Variants in BCAS3 observed in about 807,000 individuals in gnomAD.
BCAS3 encodes BCAS4/BCAS3 fusion.
BCAS3 carries 53 observed loss-of-function variants against 116.1 expected under a neutral mutation model. That is an observed-to-expected ratio of 0.46 (90% CI 0.37 to 0.57). BCAS3 has a LOEUF of 0.57. Ranked by LOEUF, BCAS3 falls within the 20% of genes least tolerant of loss-of-function variation. The pLI, the probability that BCAS3 is intolerant of heterozygous loss-of-function variation, is 0.00. For missense variants in BCAS3, 917 were observed against 1,165.4 expected, an observed-to-expected ratio of 0.79 and a Z score of 3.10; for synonymous variants, 391 against 408.2, an observed-to-expected ratio of 0.96 and a Z score of 0.51.
chr17:61,339,106 A>G lies in BCAS3; in HGVS notation c.2426-29221A>G, dbSNP rs3843245. On this transcript the variant is annotated intron_variant, in intron 22 of 23. Transcript: ENST00000407086. This position sits in a 1 kb window ranked among gnomAD's most constrained non-coding sequence, Gnocchi z 4.4. ...TTCTTTTGGACTCTATTACTCAATC[A>G]GTGACATGTGACCCCCTGGGAAGGT... Among the ~76,000 whole-genome samples the G allele has an allele frequency of 0.17, 25,630 of 151,868 alleles. 3,495 individuals are homozygous for G. The highest frequency in any genetic ancestry group is 0.37 in the African/African-American group (15,481 of 41,346).
intron 22 of BCAS3, among the ~76,000 whole-genome samples, chr17:61,287,075 C>T (rs959125507): frequency 2.6e-5 from 4 of 151,756 alleles, no homozygotes; most frequent in Admixed American, 2.6e-4. Flanking sequence ...GGTGAAACCC[C>T]GTCTCTACTA....
intron 7 of BCAS3, among the ~76,000 whole-genome samples, chr17:60,829,179 TA>T (rs2050692075): frequency 6.6e-6 from 1 of 151,882 alleles, no homozygotes; most frequent in Admixed American, 6.6e-5. Context: ...GTAAAATATA[TA>T]GTATGATGAT....
intron 23 of BCAS3, among the ~76,000 whole-genome samples, chr17:61,371,260 T>A (rs546375586): frequency 6.6e-6 from 1 of 152,308 alleles, no homozygotes; most frequent in East Asian, 1.9e-4. Flanking sequence ...ATGTAAAAAC[T>A]CCTATTATGG....
intron 23 of BCAS3, among the ~76,000 whole-genome samples, chr17:61,375,218 T>TTGTGTGTGTGTGTGTGTGTG (rs59961930): frequency 1.4e-5 from 2 of 142,772 alleles, no homozygotes; most frequent in East Asian, 2.0e-4. Context: ...AAAGCACTAT[T>TTGTGTGTGTGTGTGTGTGTG]TGTGTGTGTG....
rs556280519 is a variant in BCAS3, at chr17:60,806,973, A to C, written c.404-1031A>C. Among the ~76,000 whole-genome samples, 7 of 152,018 alleles carry C rather than the reference A, an allele frequency of 4.6e-5. No homozygotes were observed. In the South Asian group the frequency reaches 1.5e-3, roughly 32 times the overall value. ...GACTTAGGACTTGATGGGAGCAGCA[A>C]CTCTGGATATTCTTGTATTATTATT... On this transcript the variant is annotated intron_variant, in intron 6 of 23. Transcript: ENST00000407086.
chr17:61,280,873 T>A (rs2051183054), intron 22 of BCAS3, among the ~76,000 whole-genome samples: 1 of 152,212 alleles, frequency 6.6e-6, no homozygotes, highest in African/African-American at 2.4e-5. Context: ...CCTTAACAGG[T>A]TGAAGGCTTT....
Position 61,041,033 on chromosome 17 carries a change from A to G in BCAS3, c.2029+141A>G. ...TCAGTTTGAGGCAAATAAGATATTT[A>G]ATATGAATATAAACTGTAAGCCTTA... On this transcript the variant is annotated intron_variant, in intron 19 of 23. Coordinates refer to ENST00000407086, the MANE Select transcript of BCAS3 (RefSeq NM_017679.5). The surrounding 1 kb of genome is among the most constrained non-coding windows in gnomAD (Gnocchi z 4.7). 1.6e-6 allele frequency: 1 copy of G among 632,214 alleles called. No homozygotes were observed. The highest frequency in any genetic ancestry group is 2.7e-6 in the Non-Finnish European group (1 of 364,700). The allele number at this position is 632,214 out of a possible 1,614,324, so 39.2% of individuals were successfully genotyped here. A position where few individuals can be genotyped will look rare whatever the true frequency, so the allele number is the denominator to read the frequency against.
At chr17:60,705,600 T>C (rs1343504051) in intron 4 of BCAS3, among the ~76,000 whole-genome samples, 2 of 151,778 alleles carry the variant, frequency 1.3e-5, no homozygotes, top group Non-Finnish European at 2.9e-5. Flanking sequence ...TCAAGATATC[T>C]GTTTTGGAGA....
Position 61,380,304 on chromosome 17 carries a change from A to C in BCAS3, c.2594-11673A>C. ...GGACTGGGGAGGAGGGAGAGAGGGA[A>C]GGATGATACCAGTTTAGGCTAGTGA... On this transcript the variant is annotated intron_variant, in intron 23 of 23. Transcript: ENST00000407086. The surrounding 1 kb of genome is among the most constrained non-coding windows in gnomAD (Gnocchi z 4.2). 1.7e-6 allele frequency: 1 copy of C among 589,136 alleles called. No individual in the cohort carries two copies. The highest frequency in any genetic ancestry group is 1.9e-5 in the African/African-American group (1 of 53,734). 36.5% of individuals were successfully genotyped at this position (589,136 alleles called of 1,614,324 possible).
chr17:60,947,471 G>A, intron 14 of BCAS3, 119 bp downstream of exon 14: 3 of 1,136,190 alleles, frequency 2.6e-6, no homozygotes, highest in Non-Finnish European at 3.6e-6. Flanking sequence ...ATTGCTGTCT[G>A]TGATAGAATG....
In BCAS3 at chr17:61,126,388, G is replaced by C. The variant is rs140845084; in HGVS notation, c.2425+41824G>C. ...AAAAAGAGCAGTGTATATGTGTCAT[G>C]TTATCGCACGTGAACCACTGCCTAT... is the stretch of plus-strand genomic sequence containing the variant. On this transcript the variant is annotated intron_variant, in intron 22 of 23. Transcript: ENST00000407086. This position sits in a 1 kb window ranked among gnomAD's most constrained non-coding sequence, Gnocchi z 4.6. Among the ~76,000 whole-genome samples, 86 of 152,268 alleles carry C rather than the reference G, an allele frequency of 5.6e-4. No homozygotes were observed. The highest frequency in any genetic ancestry group is 3.4e-3 in the Middle Eastern group (1 of 294).
chr17:61,078,356 A>T lies in BCAS3; in HGVS notation c.2154A>T (p.Gly718=), dbSNP rs373406885. ...LSQVEIVTHT[G]PHRRLWMGPQ... ...AGGTTGAAATTGTAACACACACTGGACCCCATAGACGTCTGTGGATGGGTC... is the reference window on the plus strand; with the variant it reads ...AGGTTGAAATTGTAACACACACTGGTCCCCATAGACGTCTGTGGATGGGTC... Residue 718 remains glycine, a synonymous_variant, in exon 21 of 24, where the codon GGA becomes GGT. Transcript: ENST00000407086. 132 of 1,613,496 alleles carry T rather than the reference A, an allele frequency of 8.2e-5. No individual in the cohort carries two copies. Among genetic ancestry groups the T allele is most frequent in the Non-Finnish European group, 1.1e-4 (125 of 1,179,842 alleles).
chr17:61,052,645 T>G (rs757104524), intron 19 of BCAS3, among the ~76,000 whole-genome samples: 1 of 152,150 alleles, frequency 6.6e-6, no homozygotes, highest in Non-Finnish European at 1.5e-5. Flanking sequence ...TGTGTTCCTT[T>G]GACAAAATCT....
intron 21 of BCAS3, among the ~76,000 whole-genome samples, chr17:61,081,938 ACACT>A: frequency 6.6e-6 from 1 of 152,298 alleles, no homozygotes; most frequent in Middle Eastern, 3.4e-3. Context: ...GACACCTAGT[ACACT>A]GTCCTGTACC....
chr17:60,819,747 C>T (rs1031278825), intron 7 of BCAS3, among the ~76,000 whole-genome samples: 7 of 151,864 alleles, frequency 4.6e-5, no homozygotes, highest in Non-Finnish European at 8.8e-5. Flanking sequence ...CTCCTACCCT[C>T]CCCCTCTCCT....
In BCAS3 at chr17:60,857,954, G is replaced by T. The variant is rs79538531; in HGVS notation, c.477-10622G>T. 1.5e-3 allele frequency among the ~76,000 whole-genome samples: 226 copies of T among 151,886 alleles called. 1 individual carries two copies. Among genetic ancestry groups the T allele is most frequent in the East Asian group, 3.5e-3 (18 of 5,184 alleles). ...AAGGCTTGTTGCATGAAGATTCTCAGTTGTGACATTGTATGGATGATGCCA... is the reference window on the plus strand; with the variant it reads ...AAGGCTTGTTGCATGAAGATTCTCATTTGTGACATTGTATGGATGATGCCA... On this transcript the variant is annotated intron_variant, in intron 7 of 23. Transcript: ENST00000407086.
chr17:61,014,565 A>G (rs1032272919), intron 15 of BCAS3, among the ~76,000 whole-genome samples: 1 of 152,110 alleles, frequency 6.6e-6, no homozygotes, highest in Non-Finnish European at 1.5e-5. Context: ...TACATACACA[A>G]AAATGAACTA....
intron 9 of BCAS3, among the ~76,000 whole-genome samples, chr17:60,881,275 G>A (rs999940649): frequency 6.6e-6 from 1 of 151,812 alleles, no homozygotes; most frequent in South Asian, 2.1e-4. Context: ...CACCTGGCCT[G>A]GTCTTTTCAC....
intron 9 of BCAS3, among the ~76,000 whole-genome samples, chr17:60,888,566 A>G (rs1456665677): frequency 2.0e-5 from 3 of 152,182 alleles, no homozygotes; most frequent in African/African-American, 4.8e-5. Context: ...TGTAAATACT[A>G]CACAATTTAT....
Sources: gnomAD v4.1 joint callset for allele counts (sites outside exome capture counted in the v4.1 genomes callset) on GRCh38, gnomAD v4.1.1 for gene constraint, Gnocchi (gnomAD v3.1) non-coding constraint, MANE v1.5 for transcripts, NCBI Gene and HGNC (gene_info 2026-07-23, HGNC 2026-07-21) for gene names.